Variants in ZNF695 observed in about 807,000 individuals in gnomAD.
ZNF695 encodes zinc finger protein SBZF3.
A neutral mutation model predicts 11.2 loss-of-function variants in ZNF695; 11 were observed. That is an observed-to-expected ratio of 0.98 (90% CI 0.62 to 1.62). The LOEUF (loss-of-function observed/expected upper bound fraction) is 1.62, where lower values mean the gene tolerates loss of function less well. ZNF695 is among the 40% of genes most tolerant of loss of function. The probability of loss-of-function intolerance (pLI) is 0.00; values close to 1 mark genes in which losing one functional copy is unlikely to be tolerated. For missense variants in ZNF695, 559 were observed against 590.5 expected, an observed-to-expected ratio of 0.95 and a Z score of 0.55; for synonymous variants, 190 against 201.4, an observed-to-expected ratio of 0.94 and a Z score of 0.48.
At chr1:246,976,748 C>A (rs12122123) in intron 4 of ZNF695, among the ~76,000 whole-genome samples, 7 of 152,004 alleles carry the variant, frequency 4.6e-5, no homozygotes, top group East Asian at 1.9e-4. Context: ...GTGCTGAGAT[C>A]GCGCCACTGC....
intron 1 of ZNF695, among the ~76,000 whole-genome samples, chr1:247,000,307 C>T (rs1163839027): frequency 6.6e-6 from 1 of 152,092 alleles, no homozygotes; most frequent in Non-Finnish European, 1.5e-5. Context: ...GAGTTCAAGA[C>T]CAGCCTGGCC....
intron 4 of ZNF695, among the ~76,000 whole-genome samples, chr1:246,976,672 T>C (rs933077283): frequency 5.9e-5 from 9 of 151,922 alleles, no homozygotes; most frequent in Non-Finnish European, 1.0e-4. Context: ...CGGGCACCTG[T>C]AGTCCCAGCT....
intron 3 of ZNF695, among the ~76,000 whole-genome samples, chr1:246,994,931 C>T (rs1015821358): frequency 7.9e-5 from 12 of 152,184 alleles, no homozygotes; most frequent in African/African-American, 2.7e-4. Flanking sequence ...GTTTTGTTCA[C>T]AGAAAACCTA....
chr1:246,993,259 T>A (rs1425313527), intron 3 of ZNF695, among the ~76,000 whole-genome samples: 1 of 151,916 alleles, frequency 6.6e-6, no homozygotes, highest in East Asian at 1.9e-4. Context: ...ATACAAAAAT[T>A]AGCCAGGCAT....
chr1:246,971,252 A>C (rs1350670591), intron 4 of ZNF695, among the ~76,000 whole-genome samples: 2 of 152,136 alleles, frequency 1.3e-5, no homozygotes. Flanking sequence ...TCTTCTGTGC[A>C]TTTCAAAGAC....
intron 3 of ZNF695, among the ~76,000 whole-genome samples, chr1:246,993,047 C>A (rs551882856): frequency 1.3e-5 from 2 of 152,094 alleles, no homozygotes; most frequent in Admixed American, 1.3e-4. Flanking sequence ...AACTGCAGTA[C>A]GAGAGATGGG....
rs1378083150 is a variant in ZNF695 at position 246,986,172 on chromosome 1, A to T, written c.*795T>A. On this transcript the variant is annotated 3_prime_UTR_variant, in exon 4 of 4. Transcript: ENST00000339986. Reference sequence around the variant, plus strand: ...GCATCCTCAACCTCCAGGCTCAAGCAATCCTCCCACCTGAGCCTTCCAAGT... The same window carrying T: ...GCATCCTCAACCTCCAGGCTCAAGCTATCCTCCCACCTGAGCCTTCCAAGT... 1.8e-6 allele frequency: 1 copy of T among 555,412 alleles called. No homozygotes were observed. The allele number at this position is 555,412 out of a possible 1,614,324, so 34.4% of individuals were successfully genotyped here.
chr1:246,991,921 C>G (rs368352880), intron 3 of ZNF695, among the ~76,000 whole-genome samples: 1 of 152,114 alleles, frequency 6.6e-6, no homozygotes, highest in Non-Finnish European at 1.5e-5. Flanking sequence ...ATAGGCCGGG[C>G]GCGGTGGCTC....
intron 5 of ZNF695, chr1:246,945,951 C>G (rs1667723995): frequency 7.9e-7 from 1 of 1,262,520 alleles, no homozygotes; most frequent in Admixed American, 2.1e-5. Flanking sequence ...GTCTGTCTGT[C>G]CCTTGCCATT....
intron 5 of ZNF695, among the ~76,000 whole-genome samples, chr1:246,960,711 C>T (rs946379967): frequency 8.5e-5 from 13 of 152,118 alleles, no homozygotes; most frequent in Middle Eastern, 3.4e-3. Flanking sequence ...AGGCTGAGGC[C>T]GGTGGATCCC....
downstream of ZNF695, among the ~76,000 whole-genome samples, chr1:246,984,015 G>C (rs981110214): frequency 1.3e-5 from 2 of 151,460 alleles, no homozygotes; most frequent in Non-Finnish European, 2.9e-5. Context: ...AGCTAGGAGT[G>C]GGGGTGCACA....
At chr1:246,959,858 G>A (rs1668120733) in intron 5 of ZNF695, among the ~76,000 whole-genome samples, 1 of 152,216 alleles carries the variant, frequency 6.6e-6, no homozygotes, top group Non-Finnish European at 1.5e-5. Context: ...TGGCGGTTCT[G>A]AAGATAGGCG....
At chr1:247,004,574 A>G (rs943200172) in intron 1 of ZNF695, among the ~76,000 whole-genome samples, 1 of 152,220 alleles carries the variant, frequency 6.6e-6, no homozygotes, top group African/African-American at 2.4e-5. Flanking sequence ...TTAGTACTGT[A>G]AGTCCTAACT....
chr1:246,961,034 T>G (rs1375677214), intron 5 of ZNF695, among the ~76,000 whole-genome samples: 1 of 152,228 alleles, frequency 6.6e-6, no homozygotes, highest in African/African-American at 2.4e-5. Flanking sequence ...TTAAAACATG[T>G]TCACTATGAA....
Position 246,986,018 on chromosome 1 carries a change from T to C in ZNF695, c.*949A>G. 1.0e-6 allele frequency: 1 copy of C among 985,116 alleles called. No homozygotes were observed. Among genetic ancestry groups the C allele is most frequent in the Non-Finnish European group, 1.2e-6 (1 of 829,652 alleles). 61.0% of individuals were successfully genotyped at this position (985,116 alleles called of 1,614,324 possible). On this transcript the variant is annotated 3_prime_UTR_variant, in exon 4 of 4. Transcript: ENST00000339986. The stretch of plus-strand genomic sequence containing the variant: ...AGACTTGAATTACATAAATATGTGA[T>C]TTTCAAAAAAGCTAAAACTCTTTCA...
intron 4 of ZNF695, among the ~76,000 whole-genome samples, chr1:246,971,904 C>T (rs775805403): frequency 1.1e-4 from 17 of 152,204 alleles, no homozygotes; most frequent in Admixed American, 5.2e-4. Context: ...TTAGTACAGA[C>T]GGGGTTTCAC....
At chr1:246,981,348 T>A (rs1044243847), downstream of ZNF695, among the ~76,000 whole-genome samples, 4 of 152,154 alleles carry the variant, frequency 2.6e-5, no homozygotes. Context: ...AAAATAGAAC[T>A]ACCATATGAC....
At chr1:246,978,322 C>T (rs754692812) in intron 4 of ZNF695, among the ~76,000 whole-genome samples, 8 of 152,184 alleles carry the variant, frequency 5.3e-5, no homozygotes, top group Non-Finnish European at 8.8e-5. Flanking sequence ...CATTTGATTA[C>T]TTATGACTTT....
chr1:246,982,256 G>C (rs539350562), downstream of ZNF695, among the ~76,000 whole-genome samples: 2 of 96,262 alleles, frequency 2.1e-5, no homozygotes, highest in South Asian at 7.2e-4. Context: ...GGCAAAAAGA[G>C]TGAAACTTAG....
Sources: gnomAD v4.1 joint callset for allele counts (sites outside exome capture counted in the v4.1 genomes callset) on GRCh38, gnomAD v4.1.1 for gene constraint, MANE v1.5 for transcripts, NCBI Gene and HGNC (gene_info 2026-07-23, HGNC 2026-07-21) for gene names.